SLCO1C1: variants seen among roughly 807,000 people sequenced by gnomAD.
The protein encoded by SLCO1C1 is OAT-RP-5.
In SLCO1C1, 70 loss-of-function variants were observed where a neutral mutation model predicts 76.4. The observed-to-expected ratio is 0.92, with a 90% CI of 0.76 to 1.12. The LOEUF is 1.12. SLCO1C1 is among the 50% of genes most tolerant of loss of function. The pLI is 0.00. For missense variants in SLCO1C1, 912 were observed against 823.8 expected (o/e 1.11, Z -1.31); for synonymous variants, 306 against 286.1 (o/e 1.07, Z -0.70).
intron 11 of SLCO1C1, among the ~76,000 whole-genome samples, chr12:20,739,534 A>T (rs1363456959): frequency 2.6e-5 from 4 of 152,146 alleles, no homozygotes; most frequent in Non-Finnish European, 4.4e-5. Flanking sequence ...GCCGTGAGGC[A>T]TGGATGAACT....
chr12:20,727,399 T>C (rs1313665888), intron 9 of SLCO1C1, among the ~76,000 whole-genome samples: 1 of 152,222 alleles, frequency 6.6e-6, no homozygotes, highest in African/African-American at 2.4e-5. Context: ...CCATTTTGAC[T>C]GGTGTGAGAT....
rs981005070 is a variant in SLCO1C1, at chr12:20,727,844, G to A, written c.1186+4590G>A. On this transcript the variant is annotated intron_variant, in intron 9 of 14. Coordinates refer to ENST00000266509, the MANE Select transcript of SLCO1C1 (RefSeq NM_017435.5). ...TTTTGTGAAGTGTCTGTACATGTCC[G>A]TTGTCTACTTTTTAATGGGGTTATA... Among the ~76,000 whole-genome samples the A allele has an allele frequency of 5.9e-5, 9 of 152,076 alleles. 1 individual carries two copies. The South Asian group carries it at 1.2e-3, about 21-fold the overall frequency.
intron 1 of SLCO1C1, among the ~76,000 whole-genome samples, chr12:20,698,056 T>C (rs1011039027): frequency 6.6e-6 from 1 of 152,074 alleles, no homozygotes; most frequent in Non-Finnish European, 1.5e-5. Flanking sequence ...CTGGTTTTTA[T>C]CAATATAGGT....
At chr12:20,701,721 T>G (rs1946535739) in intron 3 of SLCO1C1, among the ~76,000 whole-genome samples, 1 of 151,906 alleles carries the variant, frequency 6.6e-6, no homozygotes, top group East Asian at 1.9e-4. Flanking sequence ...AGTAAGTGAC[T>G]TTCTTGGAGG....
chr12:20,699,916 G>GC (rs561232185), intron 2 of SLCO1C1: 27,898 of 398,094 alleles, frequency 0.07, 1,795 homozygotes, highest in African/African-American at 0.23. Context: ...TCATTTAAAT[G>GC]CCCCCCCAAA....
chr12:20,699,916 G>GCCC (rs561232185), intron 2 of SLCO1C1: 90 of 398,262 alleles, frequency 2.3e-4, no homozygotes, highest in African/African-American at 1.6e-3. Context: ...TCATTTAAAT[G>GCCC]CCCCCCCAAA....
At chr12:20,724,740 T>C (rs1476957670) in intron 9 of SLCO1C1, among the ~76,000 whole-genome samples, 1 of 148,110 alleles carries the variant, frequency 6.8e-6, no homozygotes, top group Non-Finnish European at 1.5e-5. Context: ...TGCTATGTCA[T>C]ATCTTATTAC....
intron 5 of SLCO1C1, among the ~76,000 whole-genome samples, chr12:20,714,841 G>T (rs1354315418): frequency 6.6e-6 from 1 of 152,136 alleles, no homozygotes; most frequent in African/African-American, 2.4e-5. Context: ...TGTAGTGTGG[G>T]AACTCAAATA....
chr12:20,743,770 T>C (rs1021723737), intron 13 of SLCO1C1, among the ~76,000 whole-genome samples: 4 of 152,066 alleles, frequency 2.6e-5, no homozygotes, highest in Non-Finnish European at 4.4e-5. Context: ...TTCCTTTGAG[T>C]TACTCTCAAT....
intron 9 of SLCO1C1, among the ~76,000 whole-genome samples, chr12:20,727,980 C>T (rs1159543740): frequency 1.3e-5 from 2 of 152,162 alleles, no homozygotes; most frequent in African/African-American, 4.8e-5. Context: ...TTTCTTTTTA[C>T]TTCCTTGATG....
chr12:20,704,307 A>G (rs1946674277), intron 3 of SLCO1C1, among the ~76,000 whole-genome samples: 1 of 143,228 alleles, frequency 7.0e-6, no homozygotes, highest in Non-Finnish European at 1.5e-5. Flanking sequence ...CATGCCCATT[A>G]ACGTAACACA....
chr12:20,741,690 T>C (rs553477971), intron 12 of SLCO1C1, among the ~76,000 whole-genome samples: 2 of 152,064 alleles, frequency 1.3e-5, no homozygotes, highest in African/African-American at 4.8e-5. Context: ...CTGTAACAAT[T>C]ACATGAATCC....
intron 10 of SLCO1C1, among the ~76,000 whole-genome samples, chr12:20,734,153 G>A (rs1172741013): frequency 6.6e-6 from 1 of 151,988 alleles, no homozygotes; most frequent in Non-Finnish European, 1.5e-5. Context: ...TTGCTTCCCT[G>A]CTTATCTGTC....
At chr12:20,750,612 A>T in intron 13 of SLCO1C1, 63 bp from the exon 14 acceptor site, 1 of 1,458,038 alleles carries the variant, frequency 6.9e-7, no homozygotes. Flanking sequence ...GGTTTCAGAT[A>T]ATCGTTCATA....
At chr12:20,718,711 A>C (rs1947503912) in intron 7 of SLCO1C1, among the ~76,000 whole-genome samples, 2 of 152,142 alleles carry the variant, frequency 1.3e-5, no homozygotes, top group South Asian at 2.1e-4. Context: ...GATATAGAGG[A>C]GTCGCCACAT....
intron 9 of SLCO1C1, among the ~76,000 whole-genome samples, chr12:20,731,251 A>G (rs1048174334): frequency 1.3e-5 from 2 of 152,154 alleles, no homozygotes; most frequent in East Asian, 1.9e-4. Context: ...TTCTATTCCT[A>G]TAATTTCTTC....
rs1297973324 is a variant in SLCO1C1 at position 20,695,643 on chromosome 12, C to T, written c.-190C>T. ...ACCATGCCCTTCATCTTTTCTTTTC[C>T]CTAATCTCCTCTGCTTGTGTCCACC... On this transcript the variant is annotated 5_prime_UTR_variant, in exon 1 of 15. Transcript: ENST00000266509. The T allele has an allele frequency of 6.6e-6, 1 of 151,964 alleles. No homozygotes were observed. The highest frequency in any genetic ancestry group is 1.5e-5 in the Non-Finnish European group (1 of 68,000). The allele number at this position is 151,964 out of a possible 1,614,324, so 9.4% of individuals were successfully genotyped here.
intron 11 of SLCO1C1, among the ~76,000 whole-genome samples, chr12:20,738,126 T>G (rs542639136): frequency 6.6e-6 from 1 of 152,118 alleles, no homozygotes; most frequent in African/African-American, 2.4e-5. Flanking sequence ...TACACCCTCA[T>G]GAACTAATTA....
At chr12:20,737,027 TC>T in intron 10 of SLCO1C1, 79 bp from the exon 11 acceptor site, 1 of 1,272,640 alleles carries the variant, frequency 7.9e-7, no homozygotes, top group Non-Finnish European at 1.0e-6. Context: ...TTTATATCAC[TC>T]AAGAACATTG....
Sources: allele counts gnomAD v4.1 joint callset (sites outside exome capture counted in the v4.1 genomes callset), GRCh38; gene constraint gnomAD v4.1.1; transcripts MANE v1.5; gene names NCBI Gene and HGNC (gene_info 2026-07-23, HGNC 2026-07-21).